CLIC6: variants seen among roughly 807,000 people sequenced by gnomAD.
CLIC6 encodes the protein chloride intracellular channel protein 6.
In CLIC6, 39 loss-of-function variants were observed where a neutral mutation model predicts 49.2. The ratio of observed to expected loss-of-function variants is 0.79; its 90% CI spans 0.61 to 1.04. CLIC6 has a LOEUF of 1.04. CLIC6 is among the 50% of genes least tolerant of loss of function. The pLI is 0.00. For missense variants in CLIC6, 988 were observed against 993.1 expected (o/e 0.99, Z 0.07); for synonymous variants, 446 against 433.4 (o/e 1.03, Z -0.36).
intron 1 of CLIC6, 111 bp downstream of exon 1, chr21:34,670,873 G>C: frequency 1.7e-6 from 2 of 1,206,314 alleles, no homozygotes; most frequent in South Asian, 3.3e-5. Flanking sequence ...TATCCTGATT[G>C]TCATCAGGCG....
intron 3 of CLIC6, 144 bp downstream of exon 3, chr21:34,708,213 C>T (rs2056030271): frequency 3.1e-6 from 3 of 965,258 alleles, no homozygotes; most frequent in African/African-American, 3.3e-5. Flanking sequence ...CTGGTGTAAC[C>T]AGATTAGAGT....
intron 1 of CLIC6, among the ~76,000 whole-genome samples, chr21:34,683,005 G>A (rs1213228150): frequency 6.6e-6 from 1 of 151,558 alleles, no homozygotes; most frequent in Non-Finnish European, 1.5e-5. Context: ...TAGAAACGGG[G>A]TTTCACCGTG....
chr21:34,679,377 A>G (rs1341483351), intron 1 of CLIC6, among the ~76,000 whole-genome samples: 2 of 152,184 alleles, frequency 1.3e-5, no homozygotes, highest in Non-Finnish European at 2.9e-5. Context: ...ACCTGGTCTC[A>G]CACTTGACAC....
At chr21:34,676,872 A>G (rs1989681745) in intron 1 of CLIC6, among the ~76,000 whole-genome samples, 1 of 152,068 alleles carries the variant, frequency 6.6e-6, no homozygotes. Context: ...AGTTTTTGTG[A>G]GAGTTATAAA....
At chr21:34,709,297 GGTGAA>G in intron 4 of CLIC6, 55 bp from the exon 5 acceptor site, 1 of 1,468,458 alleles carries the variant, frequency 6.8e-7, no homozygotes, top group Admixed American at 1.8e-5. Flanking sequence ...CATCACAGCT[GGTGAA>G]AAGTGACATG....
At position 34,706,917 on chromosome 21, in the gene CLIC6, A is replaced by G. The variant is rs114389681; in HGVS notation, c.1375-363A>G. ...GAGGATCGAGAGATAGAGGGAAGGA[A>G]AGGGCGTGTCTTTCTTTTTCACATT... On this transcript the variant is annotated intron_variant, in intron 1 of 5. Coordinates refer to ENST00000349499, the MANE Select transcript of CLIC6 (RefSeq NM_053277.3). Among the ~76,000 whole-genome samples the G allele has an allele frequency of 2.3e-3, 345 of 152,276 alleles. 4 individuals carry two copies. Among genetic ancestry groups the G allele is most frequent in the African/African-American group, 7.8e-3 (325 of 41,540 alleles).
chr21:34,709,105 A>G (rs1318953081), intron 4 of CLIC6, among the ~76,000 whole-genome samples: 3 of 152,252 alleles, frequency 2.0e-5, no homozygotes, highest in African/African-American at 7.2e-5. Flanking sequence ...GTCTCCCCAC[A>G]GGCTTTCCAT....
chr21:34,673,967 T>A (rs950979464), intron 1 of CLIC6, among the ~76,000 whole-genome samples: 6 of 152,210 alleles, frequency 3.9e-5, no homozygotes, highest in Non-Finnish European at 8.8e-5. Flanking sequence ...TTGTATGGCA[T>A]AGCTGGAGTG....
intron 1 of CLIC6, among the ~76,000 whole-genome samples, chr21:34,685,313 G>A (rs1814011557): frequency 6.6e-6 from 1 of 152,208 alleles, no homozygotes; most frequent in Non-Finnish European, 1.5e-5. Flanking sequence ...GTGATATTCT[G>A]ATGGGGTCCT....
At chr21:34,690,885 T>C (rs1419767143) in intron 1 of CLIC6, among the ~76,000 whole-genome samples, 2 of 126,932 alleles carry the variant, frequency 1.6e-5, no homozygotes, top group Admixed American at 8.1e-5. Context: ...AAAAAAAGCA[T>C]GTGGCACAGA....
At chr21:34,716,219 T>G in intron 5 of CLIC6, 102 bp from the exon 6 acceptor site, 1 of 993,716 alleles carries the variant, frequency 1.0e-6, no homozygotes, top group Non-Finnish European at 1.5e-6. Flanking sequence ...CATGGGAAAC[T>G]GGGAAAGAAT....
At chr21:34,691,174 G>A (rs1601274256) in intron 1 of CLIC6, among the ~76,000 whole-genome samples, 1 of 152,164 alleles carries the variant, frequency 6.6e-6, no homozygotes. Context: ...GAACTTTCAA[G>A]GTTAGCAAAT....
At chr21:34,687,445 A>G (rs1156269278) in intron 1 of CLIC6, among the ~76,000 whole-genome samples, 1 of 152,254 alleles carries the variant, frequency 6.6e-6, no homozygotes, top group Non-Finnish European at 1.5e-5. Context: ...AGTTGGTATC[A>G]GGCCATATTA....
At chr21:34,710,134 T>C (rs2014474) in intron 5 of CLIC6, among the ~76,000 whole-genome samples, 122,621 of 151,528 alleles carry the variant, frequency 0.81, 49,651 homozygotes, top group Middle Eastern at 0.84. Flanking sequence ...AAAAATTAGC[T>C]GGGCATGGTG....
intron 1 of CLIC6, among the ~76,000 whole-genome samples, chr21:34,698,074 T>C (rs1246927713): frequency 6.6e-6 from 1 of 152,216 alleles, no homozygotes; most frequent in Non-Finnish European, 1.5e-5. Flanking sequence ...TGATGAGGAA[T>C]CTCATAGGCC....
intron 1 of CLIC6, among the ~76,000 whole-genome samples, chr21:34,690,731 A>G (rs1226181364): frequency 6.6e-6 from 1 of 152,092 alleles, no homozygotes; most frequent in Non-Finnish European, 1.5e-5. Flanking sequence ...CTGCTCCTCA[A>G]CTGCTTTATG....
chr21:34,679,826 G>A (rs1285975732), intron 1 of CLIC6, among the ~76,000 whole-genome samples: 1 of 62 alleles, frequency 0.016, no homozygotes, highest in Non-Finnish European at 0.038. Context: ...CATGAGGTGG[G>A]CCCCCATGTG....
intron 1 of CLIC6, among the ~76,000 whole-genome samples, chr21:34,696,511 T>C (rs1990090981): frequency 6.6e-6 from 1 of 152,064 alleles, no homozygotes; most frequent in African/African-American, 2.4e-5. Flanking sequence ...AGAAGGATCC[T>C]AGCTGACTGC....
chr21:34,683,761 C>T (rs1415412038), intron 1 of CLIC6, among the ~76,000 whole-genome samples: 1 of 152,208 alleles, frequency 6.6e-6, no homozygotes. Context: ...TCTTCACCTT[C>T]CACCATGATT....
Sources: gnomAD v4.1 joint callset for allele counts (sites outside exome capture counted in the v4.1 genomes callset) on GRCh38, gnomAD v4.1.1 for gene constraint, MANE v1.5 for transcripts, NCBI Gene and HGNC (gene_info 2026-07-23, HGNC 2026-07-21) for gene names.